KCNIP4: variants seen among roughly 807,000 people sequenced by gnomAD.
KCNIP4 encodes the protein Kv channel-interacting protein 4.
In KCNIP4, 12 loss-of-function variants were observed where a neutral mutation model predicts 34.0. The observed-to-expected ratio is 0.35, with a 90% CI of 0.23 to 0.57. The LOEUF (loss-of-function observed/expected upper bound fraction) is 0.57. Ranked by LOEUF, KCNIP4 falls within the 20% of genes least tolerant of loss-of-function variation. KCNIP4 has a pLI of 0.83. For missense variants in KCNIP4, 238 were observed against 311.7 expected (o/e 0.76, Z 1.78); for synonymous variants, 124 against 102.2 (o/e 1.21, Z -1.29).
At chr4:21,011,861 G>C (rs75542825) in intron 1 of KCNIP4, among the ~76,000 whole-genome samples, 1 of 152,100 alleles carries the variant, frequency 6.6e-6, no homozygotes, top group Non-Finnish European at 1.5e-5. Flanking sequence ...TAATGCTTTC[G>C]TTTCTTCTTT....
chr4:21,636,313 A>T (rs2109220676), intron 1 of KCNIP4, among the ~76,000 whole-genome samples: 1 of 151,974 alleles, frequency 6.6e-6, no homozygotes, highest in Non-Finnish European at 1.5e-5. Flanking sequence ...AAAAAAAAAA[A>T]GAAAGAATCT....
intron 1 of KCNIP4, among the ~76,000 whole-genome samples, chr4:21,528,563 A>T (rs1736178081): frequency 6.6e-6 from 1 of 151,436 alleles, no homozygotes. Context: ...GCTACTCAGG[A>T]GGTTGAGACA....
intron 1 of KCNIP4, among the ~76,000 whole-genome samples, chr4:21,172,937 T>C (rs1335224210): frequency 6.6e-6 from 1 of 152,166 alleles, no homozygotes; most frequent in Non-Finnish European, 1.5e-5. Context: ...CTTGGTCAAG[T>C]TCAGTGCCCA....
chr4:21,415,766 C>T (rs1025565275), intron 1 of KCNIP4, among the ~76,000 whole-genome samples: 1 of 151,930 alleles, frequency 6.6e-6, no homozygotes, highest in African/African-American at 2.4e-5. Flanking sequence ...TTTAAATGGT[C>T]TCACTACACA....
chr4:20,729,055 GCTTGCTAATT>G lies in KCNIP4; in HGVS notation c.*1017_*1026del, dbSNP rs1560388171. 1.4e-5 allele frequency: 1 copy of G among 69,806 alleles called. No individual in the cohort carries two copies. Among genetic ancestry groups the G allele is most frequent in the Non-Finnish European group, 3.1e-5 (1 of 32,616 alleles). The allele number at this position is 69,806 out of a possible 1,614,324, so 4.3% of individuals were successfully genotyped here. ...CACTGGTGCTTTCAAAGTGAATTTT[GCTTGCTAATT>G]TTGCTTGCTGTTTGTTCTTAGTAGA... is the stretch of plus-strand genomic sequence containing the variant. On this transcript the variant is annotated 3_prime_UTR_variant, in exon 9 of 9. Coordinates refer to ENST00000382152, the MANE Select transcript of KCNIP4 (RefSeq NM_025221.6).
chr4:21,109,646 G>A (rs374588358), intron 1 of KCNIP4, among the ~76,000 whole-genome samples: 18 of 152,194 alleles, frequency 1.2e-4, no homozygotes, highest in East Asian at 5.8e-4. Context: ...CTAGTGAGAC[G>A]AACCTGGTAC....
At chr4:21,782,699 C>T (rs1412149914) in intron 1 of KCNIP4, among the ~76,000 whole-genome samples, 1 of 152,184 alleles carries the variant, frequency 6.6e-6, no homozygotes, top group East Asian at 1.9e-4. Context: ...TCCTGTCTCA[C>T]ACAAACAAAC....
intron 1 of KCNIP4, among the ~76,000 whole-genome samples, chr4:21,107,993 T>C (rs1748743288): frequency 6.6e-6 from 1 of 151,422 alleles, no homozygotes; most frequent in South Asian, 2.1e-4. Flanking sequence ...GGGCTTCCCT[T>C]TGTGGGTAAC....
intron 1 of KCNIP4, among the ~76,000 whole-genome samples, chr4:21,400,434 G>A (rs948311508): frequency 5.0e-4 from 69 of 137,866 alleles, no homozygotes; most frequent in Non-Finnish European, 6.0e-4. Context: ...TCAAACACAC[G>A]TCCTCTTGCC....
At chr4:21,804,199 A>C (rs756666935) in intron 1 of KCNIP4, among the ~76,000 whole-genome samples, 2 of 152,252 alleles carry the variant, frequency 1.3e-5, no homozygotes, top group Non-Finnish European at 2.9e-5. Context: ...TTTAGAAGGC[A>C]AGAAGGACAA....
intron 1 of KCNIP4, among the ~76,000 whole-genome samples, chr4:21,862,323 G>A (rs767289900): frequency 6.6e-6 from 1 of 152,086 alleles, no homozygotes; most frequent in Non-Finnish European, 1.5e-5. Flanking sequence ...AACAAATATT[G>A]TTATTTATTT....
At chr4:21,375,997 G>A (rs1364452961) in intron 1 of KCNIP4, among the ~76,000 whole-genome samples, 1 of 152,178 alleles carries the variant, frequency 6.6e-6, no homozygotes, top group Non-Finnish European at 1.5e-5. Context: ...AATCAAGGTG[G>A]ATAGAGAGTT....
rs559961782 is a variant in KCNIP4, at chr4:20,898,428, T to C, written c.62-15719A>G. 2.0e-5 allele frequency among the ~76,000 whole-genome samples: 3 copies of C among 152,248 alleles called. No homozygotes were observed. The East Asian group carries it at 5.8e-4, about 29-fold the overall frequency. ...CTTATTGTCCAACCTGGAACACCAC[T>C]AACAATGAATGAAGGGGATATTATT... On this transcript the variant is annotated intron_variant, in intron 1 of 8. Coordinates refer to ENST00000382152, the MANE Select transcript of KCNIP4 (RefSeq NM_025221.6).
chr4:21,944,422 G>A (rs565784074), intron 1 of KCNIP4, among the ~76,000 whole-genome samples: 4 of 151,666 alleles, frequency 2.6e-5, no homozygotes, highest in African/African-American at 4.8e-5. Flanking sequence ...GGGCATGGTG[G>A]CGGGTGCACC....
chr4:20,818,303 G>C (rs1369701922), intron 3 of KCNIP4, among the ~76,000 whole-genome samples: 1 of 152,188 alleles, frequency 6.6e-6, no homozygotes, highest in Non-Finnish European at 1.5e-5. Context: ...GCAGAGTATT[G>C]GGGTGGTGGT....
At chr4:21,339,365 TAC>T (rs1283587677) in intron 1 of KCNIP4, among the ~76,000 whole-genome samples, 1 of 152,218 alleles carries the variant, frequency 6.6e-6, no homozygotes, top group Non-Finnish European at 1.5e-5. Context: ...GGTGGAATGA[TAC>T]AGTTTAGACG....
At chr4:20,911,140 G>C (rs897037393) in intron 1 of KCNIP4, among the ~76,000 whole-genome samples, 7 of 152,114 alleles carry the variant, frequency 4.6e-5, no homozygotes, top group Admixed American at 2.0e-4. Flanking sequence ...GTTTCTTACA[G>C]GGCTATCCTT....
chr4:21,025,645 C>T (rs1740495503), intron 1 of KCNIP4, among the ~76,000 whole-genome samples: 1 of 144,966 alleles, frequency 6.9e-6, no homozygotes, highest in Admixed American at 7.3e-5. Context: ...GCTCTGCCTC[C>T]CGGGTTCACG....
chr4:21,432,587 G>A (rs780312559), intron 1 of KCNIP4, among the ~76,000 whole-genome samples: 1 of 152,120 alleles, frequency 6.6e-6, no homozygotes. Flanking sequence ...CTGGGAAAAA[G>A]ACCAGTACCA....
Sources: allele counts gnomAD v4.1 joint callset (sites outside exome capture counted in the v4.1 genomes callset), GRCh38; gene constraint gnomAD v4.1.1; transcripts MANE v1.5; gene names NCBI Gene and HGNC (gene_info 2026-07-23, HGNC 2026-07-21).